The following PPM1E variants were observed in gnomAD, a reference collection of about 807,000 sequenced individuals.
The protein encoded by PPM1E is protein phosphatase, Mg2+/Mn2+ dependent 1E.
Under a neutral mutation model 65.9 loss-of-function variants are expected in PPM1E, and 20 were observed. That is an observed-to-expected ratio of 0.30 (90% CI 0.21 to 0.44). The LOEUF (loss-of-function observed/expected upper bound fraction) is 0.44. Ranked by LOEUF, PPM1E falls within the 20% of genes least tolerant of loss-of-function variation. PPM1E has a pLI of 1.00. For missense variants in PPM1E, 713 were observed against 953.1 expected (o/e 0.75, Z 3.32); for synonymous variants, 352 against 374.9 (o/e 0.94, Z 0.70).
intron 1 of PPM1E, among the ~76,000 whole-genome samples, chr17:58,778,676 G>A (rs1448657921): frequency 1.3e-5 from 2 of 151,342 alleles, no homozygotes; most frequent in Non-Finnish European, 2.9e-5. Context: ...TCCCAGAGCT[G>A]AAATTACAAC....
chr17:58,825,228 A>T (rs887821576), intron 1 of PPM1E, among the ~76,000 whole-genome samples: 12 of 104,050 alleles, frequency 1.2e-4, no homozygotes, highest in African/African-American at 3.3e-4. Context: ...ACACACTCAC[A>T]CACACACACA....
chr17:58,907,762 C>G (rs1471336321), intron 1 of PPM1E, among the ~76,000 whole-genome samples: 3 of 152,176 alleles, frequency 2.0e-5, no homozygotes, highest in African/African-American at 7.2e-5. Flanking sequence ...GCCCTGATAA[C>G]ATTCCTTGCT....
intron 1 of PPM1E, among the ~76,000 whole-genome samples, chr17:58,782,022 G>A (rs1303865136): frequency 6.6e-6 from 1 of 151,828 alleles, no homozygotes; most frequent in East Asian, 1.9e-4. Flanking sequence ...AGTAAATATA[G>A]AACAGATAAA....
chr17:58,901,698 C>G (rs1021930569), intron 1 of PPM1E, among the ~76,000 whole-genome samples: 2 of 144,652 alleles, frequency 1.4e-5, no homozygotes, highest in Non-Finnish European at 3.0e-5. Context: ...AAAATAAGGC[C>G]AGACGCGGTG....
At chr17:58,797,315 C>T (rs1377887976) in intron 1 of PPM1E, among the ~76,000 whole-genome samples, 3 of 152,054 alleles carry the variant, frequency 2.0e-5, no homozygotes, top group Non-Finnish European at 4.4e-5. Flanking sequence ...ACTAATATCC[C>T]TATCAGAATT....
At chr17:58,841,144 A>G (rs1203691630) in intron 1 of PPM1E, among the ~76,000 whole-genome samples, 1 of 152,226 alleles carries the variant, frequency 6.6e-6, no homozygotes, top group African/African-American at 2.4e-5. Context: ...ATACTGATAT[A>G]TAAATAATTG....
At chr17:58,964,916 G>A (rs546982853) in intron 2 of PPM1E, among the ~76,000 whole-genome samples, 1 of 152,064 alleles carries the variant, frequency 6.6e-6, no homozygotes, top group Non-Finnish European at 1.5e-5. Context: ...ATGATGGCGG[G>A]CACCTGTAAT....
intron 6 of PPM1E, among the ~76,000 whole-genome samples, chr17:58,979,653 C>A (rs2031246604): frequency 6.6e-6 from 1 of 152,132 alleles, no homozygotes; most frequent in Admixed American, 6.6e-5. Context: ...TTTTTCAGTA[C>A]AGCAACAAAC....
chr17:58,926,323 CTCT>C (rs959743688), intron 1 of PPM1E, among the ~76,000 whole-genome samples: 2 of 147,790 alleles, frequency 1.4e-5, no homozygotes, highest in African/African-American at 5.0e-5. Context: ...CAGAGTGAGA[CTCT>C]TGTCTAAATT....
intron 1 of PPM1E, among the ~76,000 whole-genome samples, chr17:58,823,295 G>T (rs2050499017): frequency 6.6e-6 from 1 of 152,292 alleles, no homozygotes; most frequent in Middle Eastern, 3.4e-3. Flanking sequence ...GGGCAGGAAA[G>T]GAACTATGAA....
intron 1 of PPM1E, among the ~76,000 whole-genome samples, chr17:58,829,933 T>C (rs1202665668): frequency 6.6e-6 from 1 of 152,060 alleles, no homozygotes; most frequent in African/African-American, 2.4e-5. Flanking sequence ...ATAATCCCAA[T>C]ACCTTGGGAG....
At chr17:58,885,540 G>A (rs2051255258) in intron 1 of PPM1E, among the ~76,000 whole-genome samples, 2 of 152,082 alleles carry the variant, frequency 1.3e-5, no homozygotes, top group Admixed American at 1.3e-4. Context: ...TTACTTTTGG[G>A]TGTTAGGATG....
intron 1 of PPM1E, among the ~76,000 whole-genome samples, chr17:58,917,851 T>G (rs2051703165): frequency 6.6e-6 from 1 of 152,232 alleles, no homozygotes; most frequent in Admixed American, 6.5e-5. Context: ...AACTATAATT[T>G]TATTCTTTAG....
intron 1 of PPM1E, among the ~76,000 whole-genome samples, chr17:58,921,518 T>TACAAACAA (rs529014528): frequency 4.0e-5 from 6 of 151,000 alleles, no homozygotes; most frequent in Non-Finnish European, 5.9e-5. Flanking sequence ...ACTCCATCTC[T>TACAAACAA]ACAAACAAAC....
intron 1 of PPM1E, among the ~76,000 whole-genome samples, chr17:58,910,631 G>A (rs1268765708): frequency 6.6e-6 from 1 of 152,200 alleles, no homozygotes; most frequent in Non-Finnish European, 1.5e-5. Context: ...GATAAGGTAT[G>A]TAGTTAGGGG....
At chr17:58,765,780 A>G (rs901261162) in intron 1 of PPM1E, among the ~76,000 whole-genome samples, 2 of 152,044 alleles carry the variant, frequency 1.3e-5, no homozygotes, top group African/African-American at 4.8e-5. Context: ...TAAGATCACT[A>G]TAGAAACATT....
intron 1 of PPM1E, among the ~76,000 whole-genome samples, chr17:58,808,370 A>G (rs2050334662): frequency 1.3e-5 from 2 of 152,138 alleles, no homozygotes; most frequent in African/African-American, 4.8e-5. Context: ...ATTATATTGA[A>G]TTACTTTGAA....
At chr17:58,910,511 CTT>C (rs2143501942) in intron 1 of PPM1E, among the ~76,000 whole-genome samples, 1 of 152,212 alleles carries the variant, frequency 6.6e-6, no homozygotes, top group East Asian at 1.9e-4. Context: ...CTTGTTCTGT[CTT>C]TTCAAAATTT....
intron 1 of PPM1E, among the ~76,000 whole-genome samples, chr17:58,800,420 T>A (rs1383753150): frequency 1.3e-5 from 2 of 152,180 alleles, no homozygotes; most frequent in Non-Finnish European, 2.9e-5. Flanking sequence ...TTGTAATTTC[T>A]CCAGCTTTGG....
Sources: gnomAD v4.1 joint callset for allele counts (sites outside exome capture counted in the v4.1 genomes callset) on GRCh38, gnomAD v4.1.1 for gene constraint, MANE v1.5 for transcripts, NCBI Gene and HGNC (gene_info 2026-07-23, HGNC 2026-07-21) for gene names.